VPS13B: variants seen among roughly 807,000 people sequenced by gnomAD.
VPS13B encodes the protein intermembrane lipid transfer protein VPS13B.
Under a neutral mutation model 426.4 loss-of-function variants are expected in VPS13B, and 285 were observed. That is an observed-to-expected ratio of 0.67 (90% CI 0.61 to 0.74). The LOEUF (loss-of-function observed/expected upper bound fraction) is 0.74. VPS13B is among the 30% of genes least tolerant of loss of function. The pLI is 0.00. For missense variants in VPS13B, 4,537 were observed against 4,782.6 expected (o/e 0.95, Z 1.51); for synonymous variants, 1,676 against 1,676.4 (o/e 1.00, Z 0.01).
chr8:99,045,096 G>A (rs532299551), intron 3 of VPS13B, among the ~76,000 whole-genome samples: 38 of 152,120 alleles, frequency 2.5e-4, no homozygotes, highest in Non-Finnish European at 4.9e-4. Context: ...GGATCAAACG[G>A]TAGTTCTGTT....
Position 99,809,477 on chromosome 8 carries a change from C to G in VPS13B, c.8044C>G (p.Arg2682Gly). ...TFIRTIQYRG[R>G]TASLIIKVQQ... ...TATTAGAACAATTCAGTACAGGGGT[C>G]GAACTGCTTCTCTCATCATCAAGGT... The change falls in exon 44 of 62, where the codon CGA (arginine) becomes GGA (glycine). Residue 2682 changes from arginine (R) to glycine (G), a missense_variant. Arg to Gly is a moderately radical substitution (Grantham distance 125). Coordinates refer to ENST00000357162, the MANE Select transcript of VPS13B (RefSeq NM_152564.5). 6.2e-7 allele frequency: 1 copy of G among 1,613,930 alleles called. No individual in the cohort carries two copies. Among genetic ancestry groups the G allele is most frequent in the Non-Finnish European group, 8.5e-7 (1 of 1,179,960 alleles).
chr8:99,031,103 A>T (rs1402294863), intron 2 of VPS13B, among the ~76,000 whole-genome samples: 1 of 152,078 alleles, frequency 6.6e-6, no homozygotes, highest in East Asian at 1.9e-4. Context: ...TGATGATGTC[A>T]GGTGAAGATT....
chr8:99,082,734 C>T (rs1845552258), intron 3 of VPS13B, among the ~76,000 whole-genome samples: 1 of 152,166 alleles, frequency 6.6e-6, no homozygotes, highest in Admixed American at 6.5e-5. Flanking sequence ...TTCCCCATTT[C>T]TTGTTTTTGT....
intron 17 of VPS13B, among the ~76,000 whole-genome samples, chr8:99,203,513 G>T (rs1443532411): frequency 3.3e-5 from 5 of 152,144 alleles, no homozygotes; most frequent in Non-Finnish European, 7.4e-5. Context: ...TTCTGGCCAG[G>T]ATAATCAGGC....
intron 35 of VPS13B, chr8:99,696,596 CAAG>C: frequency 3.3e-6 from 2 of 605,522 alleles, no homozygotes; most frequent in Non-Finnish European, 6.2e-6. Flanking sequence ...CCCAGTCCAT[CAAG>C]GAGGAGAGCC....
intron 30 of VPS13B, among the ~76,000 whole-genome samples, chr8:99,539,093 A>C (rs1170471862): frequency 2.0e-5 from 3 of 152,184 alleles, no homozygotes; most frequent in Non-Finnish European, 4.4e-5. Flanking sequence ...TCACTTTTCA[A>C]GTCATGGCTT....
At chr8:99,385,811 T>A (rs1435669517) in intron 20 of VPS13B, among the ~76,000 whole-genome samples, 4 of 152,166 alleles carry the variant, frequency 2.6e-5, no homozygotes, top group Admixed American at 6.5e-5. Context: ...CAGAGAAGGT[T>A]GTTTTAGACT....
At chr8:99,245,635 A>G (rs923475610) in intron 17 of VPS13B, among the ~76,000 whole-genome samples, 1 of 152,156 alleles carries the variant, frequency 6.6e-6, no homozygotes, top group Admixed American at 6.5e-5. Context: ...ATCTTGGCTC[A>G]CTGTGGCCTC....
At chr8:99,577,777 GGATT>G (rs1200001820) in intron 33 of VPS13B, 144 bp downstream of exon 33, 4 of 1,132,004 alleles carry the variant, frequency 3.5e-6, no homozygotes, top group African/African-American at 1.6e-5. Context: ...AAGTCATTTT[GGATT>G]GATATTCTTT....
intron 19 of VPS13B, among the ~76,000 whole-genome samples, chr8:99,277,419 T>C (rs975903526): frequency 6.6e-6 from 1 of 152,148 alleles, no homozygotes; most frequent in African/African-American, 2.4e-5. Flanking sequence ...ATAAGTACTA[T>C]TTTTATGCCA....
chr8:99,654,122 C>T (rs1679393835), intron 34 of VPS13B, among the ~76,000 whole-genome samples: 1 of 151,960 alleles, frequency 6.6e-6, no homozygotes, highest in South Asian at 2.1e-4. Flanking sequence ...GATCTCGGCT[C>T]ACTGCAAGCT....
Position 99,753,153 on chromosome 8 carries a change from C to T in VPS13B, c.7051-13621C>T, listed in dbSNP as rs1477007425. Among the ~76,000 whole-genome samples, 3 of 152,104 alleles carry T rather than the reference C, an allele frequency of 2.0e-5. No individual in the cohort carries two copies. In the East Asian group the frequency reaches 5.8e-4, roughly 29 times the overall value. On this transcript the variant is annotated intron_variant, in intron 39 of 61. Transcript: ENST00000357162. ...AATGTAAATCTTCACATGTAGTATG[C>T]ATTTTAAAATATTAGTTCTTTTCCT...
chr8:99,277,211 A>G (rs1773792895), intron 19 of VPS13B, among the ~76,000 whole-genome samples: 1 of 152,092 alleles, frequency 6.6e-6, no homozygotes, highest in African/African-American at 2.4e-5. Flanking sequence ...TGTGTGTAAA[A>G]TTTTAATGTG....
At chr8:99,507,965 G>T (rs1821588590) in intron 28 of VPS13B, 1 of 1,611,706 alleles carries the variant, frequency 6.2e-7, no homozygotes, top group Admixed American at 1.7e-5. Context: ...GGAACCCAGA[G>T]AAGGAATTGA....
At chr8:99,614,752 A>G (rs948124524) in intron 33 of VPS13B, among the ~76,000 whole-genome samples, 1 of 152,156 alleles carries the variant, frequency 6.6e-6, no homozygotes, top group Admixed American at 6.6e-5. Context: ...ATAAACTTCT[A>G]TTATTTTTTC....
rs2130817562 is a variant in VPS13B, at chr8:99,819,978, G to A, written c.8850G>A (p.Lys2950=). The A allele has an allele frequency of 3.7e-6, 6 of 1,614,064 alleles. No individual in the cohort carries two copies. The highest frequency in any genetic ancestry group is 5.1e-6 in the Non-Finnish European group (6 of 1,179,932). ...SPMRVKLSIW[K]PYVRTLLIEL... ...TGCGAGTGAAGCTGTCAATCTGGAA[G>A]CCATATGTTAGAACTTTGTTGATAG... Residue 2950 remains lysine (K), a synonymous_variant, in exon 49 of 62, where the codon AAG becomes AAA. Transcript: ENST00000357162.
At chr8:99,181,089 A>C (rs1812923076) in intron 16 of VPS13B, among the ~76,000 whole-genome samples, 1 of 152,208 alleles carries the variant, frequency 6.6e-6, no homozygotes, top group African/African-American at 2.4e-5. Flanking sequence ...TAATTAAGCG[A>C]ATGACCAATA....
rs751492311 is a variant in VPS13B, at chr8:99,819,934, A to G, written c.8806A>G (p.Ser2936Gly). 6.2e-7 allele frequency: 1 copy of G among 1,613,988 alleles called. No homozygotes were observed. Among genetic ancestry groups the G allele is most frequent in the East Asian group, 2.2e-5 (1 of 44,866 alleles). ...KKDSDRNEQL[S>G]QWDSPMRVKL... ...TTTTTGGAACAGGAATGAACAGCTA[A>G]GTCAGTGGGATAGCCCAATGCGAGT... Residue 2936 changes from serine to glycine, a missense_variant, in exon 49 of 62, where the codon AGT becomes GGT. Ser to Gly is a moderately conservative substitution (Grantham distance 56). Coordinates refer to ENST00000357162, the MANE Select transcript of VPS13B (RefSeq NM_152564.5).
chr8:99,412,609 G>A (rs982377479), intron 21 of VPS13B, among the ~76,000 whole-genome samples: 1 of 152,022 alleles, frequency 6.6e-6, no homozygotes, highest in Non-Finnish European at 1.5e-5. Flanking sequence ...AATACTATGT[G>A]GAATAGGAGT....
Sources: allele counts gnomAD v4.1 joint callset (sites outside exome capture counted in the v4.1 genomes callset), GRCh38; gene constraint gnomAD v4.1.1; transcripts MANE v1.5; gene names NCBI Gene and HGNC (gene_info 2026-07-23, HGNC 2026-07-21).